The following CHL1 variants were observed in gnomAD, a reference collection of about 807,000 sequenced individuals.
CHL1 encodes neural cell adhesion molecule L1-like protein.
In CHL1, 96 loss-of-function variants were observed where a neutral mutation model predicts 141.9. The observed-to-expected ratio is 0.68, with a 90% CI of 0.57 to 0.80. The LOEUF is 0.80. Among genes scored for constraint, CHL1 ranks in the 30% least tolerant of loss-of-function variants. The pLI is 0.00. For missense variants in CHL1, 1,820 were observed against 1,457.2 expected (o/e 1.25, Z -4.05); for synonymous variants, 613 against 502.2 (o/e 1.22, Z -2.95).
At chr3:222,157 G>T (rs1700900323) in intron 1 of CHL1, among the ~76,000 whole-genome samples, 1 of 152,164 alleles carries the variant, frequency 6.6e-6, no homozygotes, top group African/African-American at 2.4e-5. Flanking sequence ...CTCAAATTTA[G>T]TGGCTTAAAC....
rs961589673 is a variant in CHL1, at chr3:235,646, A to G, written c.-174-8967A>G. ...TTCTCTATAAATTGTTTGCAGAATTACTACCACAAATTTTAATGGCCTTCT... is the reference window on the plus strand; with the variant it reads ...TTCTCTATAAATTGTTTGCAGAATTGCTACCACAAATTTTAATGGCCTTCT... On this transcript the variant is annotated intron_variant, in intron 1 of 27. Coordinates refer to ENST00000256509, the MANE Select transcript of CHL1 (RefSeq NM_006614.4). 2.0e-5 allele frequency among the ~76,000 whole-genome samples: 3 copies of G among 152,330 alleles called. No individual in the cohort carries two copies. In the East Asian group the frequency reaches 5.8e-4, roughly 29 times the overall value.
In CHL1 at chr3:294,549, G is replaced by C. The variant is rs572923538; in HGVS notation, c.-94-25134G>C. Reference sequence around the variant, plus strand: ...ATCCCTCACAATGTGTGTTGTCTGAGAGAAAAATCTTATCATTTTCTTTTT... The same window carrying C: ...ATCCCTCACAATGTGTGTTGTCTGACAGAAAAATCTTATCATTTTCTTTTT... On this transcript the variant is annotated intron_variant, in intron 2 of 27. Transcript: ENST00000256509. 1.5e-4 allele frequency among the ~76,000 whole-genome samples: 23 copies of C among 152,244 alleles called. No individual in the cohort carries two copies. In the East Asian group the frequency reaches 3.3e-3, roughly 22 times the overall value.
chr3:391,488 C>T (rs1708225118), intron 22 of CHL1, among the ~76,000 whole-genome samples, 187 bp from the exon 23 acceptor site: 1 of 152,186 alleles, frequency 6.6e-6, no homozygotes, highest in Non-Finnish European at 1.5e-5. Flanking sequence ...TGCATTCCAT[C>T]TAGCCTGGGC....
At chr3:361,200 C>T (rs1467248784) in intron 12 of CHL1, among the ~76,000 whole-genome samples, 3 of 151,012 alleles carry the variant, frequency 2.0e-5, no homozygotes, top group East Asian at 1.9e-4. Flanking sequence ...CCCTTCCTTA[C>T]ACCTTATACA....
At position 349,594 on chromosome 3, in the gene CHL1, A is replaced by T; in HGVS notation, c.1033+51A>T. 6.1e-6 allele frequency: 9 copies of T among 1,475,452 alleles called. No individual in the cohort carries two copies. In the East Asian group the frequency reaches 1.8e-4, roughly 30 times the overall value. The allele number at this position is 1,475,452 out of a possible 1,614,324, so 91.4% of individuals were successfully genotyped here. A position where few individuals can be genotyped will look rare whatever the true frequency, so the allele number is the denominator to read the frequency against. ...CTCTGCTTTTCAAAAAAGTAACTGT[A>T]TACATGTAGTAGGCCTTGCTTCTAA... On this transcript the variant is annotated intron_variant, in intron 10 of 27. Transcript: ENST00000256509.
chr3:346,902 A>C (rs1218794641), intron 9 of CHL1, among the ~76,000 whole-genome samples: 1 of 152,140 alleles, frequency 6.6e-6, no homozygotes, highest in Non-Finnish European at 1.5e-5. Flanking sequence ...GTCTTTGAAA[A>C]CTAGTCTAAT....
Position 273,834 on chromosome 3 carries a change from C to G in CHL1, c.-95+29142C>G, listed in dbSNP as rs187341864. Among the ~76,000 whole-genome samples the G allele has an allele frequency of 7.2e-5, 11 of 152,204 alleles. No homozygotes were observed. The East Asian group carries it at 2.1e-3, about 29-fold the overall frequency. On this transcript the variant is annotated intron_variant, in intron 2 of 27. Coordinates refer to ENST00000256509, the MANE Select transcript of CHL1 (RefSeq NM_006614.4). ...CTACTAGATGTGTTTCCTAACTGCTCCAATCTACTCTTGCCTATACTGTAA... is the reference window on the plus strand; with the variant it reads ...CTACTAGATGTGTTTCCTAACTGCTGCAATCTACTCTTGCCTATACTGTAA...
intron 15 of CHL1, among the ~76,000 whole-genome samples, chr3:375,112 G>C (rs937984856): frequency 6.6e-6 from 1 of 151,982 alleles, no homozygotes; most frequent in Admixed American, 6.6e-5. Flanking sequence ...TAGGTAGATT[G>C]AAATGCCCCC....
At chr3:347,908 G>A (rs899894255) in intron 9 of CHL1, among the ~76,000 whole-genome samples, 10 of 152,188 alleles carry the variant, frequency 6.6e-5, no homozygotes, top group African/African-American at 2.2e-4. Flanking sequence ...TTTGAGGCTT[G>A]AAGGAAGAAG....
At chr3:245,496 G>A (rs1239611002) in intron 2 of CHL1, among the ~76,000 whole-genome samples, 1 of 152,196 alleles carries the variant, frequency 6.6e-6, no homozygotes, top group African/African-American at 2.4e-5. Context: ...ATCACGACTA[G>A]TTTTTAAAGA....
Position 394,996 on chromosome 3 carries a change from CTCTG to C in CHL1, c.3094+129_3094+132del, listed in dbSNP as rs1202240063. The C allele has an allele frequency of 2.6e-5, 21 of 794,870 alleles. No individual in the cohort carries two copies. In the African/African-American group the frequency reaches 3.5e-4, roughly 13 times the overall value. The allele number at this position is 794,870 out of a possible 1,614,324, so 49.2% of individuals were successfully genotyped here. ...TAAATTAGAAATGATTGTGATCCCA[CTCTG>C]TCTGACCTTCTGTTTTCCACTGACA... is the stretch of plus-strand genomic sequence containing the variant. On this transcript the variant is annotated intron_variant, in intron 24 of 27. Transcript: ENST00000256509.
chr3:313,298 A>G (rs1312489432), intron 2 of CHL1, among the ~76,000 whole-genome samples: 1 of 152,214 alleles, frequency 6.6e-6, no homozygotes, highest in East Asian at 1.9e-4. Context: ...AAAAATGTCA[A>G]GGATTTTTAA....
Position 398,238 on chromosome 3 carries a change from G to T in CHL1, c.3106G>T (p.Gly1036Trp). 1 of 1,596,798 alleles carries T rather than the reference G, an allele frequency of 6.3e-7. No homozygotes were observed. The highest frequency in any genetic ancestry group is 8.6e-7 in the Non-Finnish European group (1 of 1,167,762). Residue 1036 changes from glycine to tryptophan, a missense_variant, in exon 25 of 28, where the codon GGG becomes TGG. Transcript: ENST00000256509. Reference sequence around the variant, plus strand: ...TGTACATTTCTTAGGTAAAGGTATCGGGAAGATATCAGGAGTAAATCTTAC... The same window carrying T: ...TGTACATTTCTTAGGTAAAGGTATCTGGAAGATATCAGGAGTAAATCTTAC... ...STLGEGSKGI[G>W]KISGVNLTQK...
chr3:274,198 A>T (rs1695888224), intron 2 of CHL1, among the ~76,000 whole-genome samples: 1 of 152,212 alleles, frequency 6.6e-6, no homozygotes, highest in Non-Finnish European at 1.5e-5. Flanking sequence ...CCAAATCTCA[A>T]TTCAATGATC....
intron 2 of CHL1, among the ~76,000 whole-genome samples, chr3:295,121 G>T (rs1176844555): frequency 1.3e-5 from 2 of 151,844 alleles, no homozygotes; most frequent in Non-Finnish European, 2.9e-5. Context: ...AGTCTACTGG[G>T]TCGTTTCTGT....
chr3:249,454 C>T (rs1693481402), intron 2 of CHL1, among the ~76,000 whole-genome samples: 1 of 152,066 alleles, frequency 6.6e-6, no homozygotes, highest in East Asian at 1.9e-4. Flanking sequence ...GAACCCTGTG[C>T]AATGTAATCT....
Position 363,300 on chromosome 3 carries a change from C to A in CHL1, c.1502C>A (p.Thr501Asn), listed in dbSNP as rs756748951. Reference protein sequence around the residue: ...ENGTLQINRTTEEDAGSYSCW... With the variant: ...ENGTLQINRTNEEDAGSYSCW... ...GGCACATTGCAGATCAACAGAACCA[C>A]CGAAGAAGATGCTGGGTCTTACTCA... Residue 501 changes from threonine (T) to asparagine (N), a missense_variant, in exon 14 of 28, where the codon ACC becomes AAC. Transcript: ENST00000256509. 4.3e-6 allele frequency: 7 copies of A among 1,613,636 alleles called. No individual in the cohort carries two copies. The highest frequency in any genetic ancestry group is 5.9e-6 in the Non-Finnish European group (7 of 1,179,706).
chr3:233,564 C>T (rs1318928878), intron 1 of CHL1, among the ~76,000 whole-genome samples: 1 of 152,144 alleles, frequency 6.6e-6, no homozygotes, highest in East Asian at 1.9e-4. Flanking sequence ...CTGCTTACCA[C>T]TTTCTTCCCA....
intron 1 of CHL1, among the ~76,000 whole-genome samples, chr3:242,314 T>TG (rs35150215): frequency 0.38 from 57,685 of 151,312 alleles, 12,138 homozygotes; most frequent in East Asian, 0.53. Flanking sequence ...ATACAGAGAC[T>TG]GGCTGAGCGC....
Sources: allele counts gnomAD v4.1 joint callset (sites outside exome capture counted in the v4.1 genomes callset), GRCh38; gene constraint gnomAD v4.1.1; transcripts MANE v1.5; gene names NCBI Gene and HGNC (gene_info 2026-07-23, HGNC 2026-07-21).